The following HM13 variants were observed in gnomAD, a reference collection of about 807,000 sequenced individuals.
HM13 encodes the protein signal peptide peptidase.
HM13 carries 18 observed loss-of-function variants against 50.0 expected under a neutral mutation model. That is an observed-to-expected ratio of 0.36 (90% CI 0.25 to 0.53). The LOEUF (loss-of-function observed/expected upper bound fraction) is 0.53, where lower values mean the gene tolerates loss of function less well. HM13 is among the 20% of genes least tolerant of loss of function. The probability of loss-of-function intolerance (pLI) is 0.90; values close to 1 mark genes in which losing one functional copy is unlikely to be tolerated. For synonymous variants in HM13, 197 were observed against 232.6 expected (o/e 0.85, Z 1.39); for missense variants, 393 against 552.4 (o/e 0.71, Z 2.89).
At chr20:31,568,561 T>G (rs1390423841) in intron 12 of HM13, among the ~76,000 whole-genome samples, 3 of 152,270 alleles carry the variant, frequency 2.0e-5, no homozygotes, top group Non-Finnish European at 4.4e-5. Flanking sequence ...GGCACATTCC[T>G]GCCTCACGGG....
intron 1 of HM13, among the ~76,000 whole-genome samples, chr20:31,523,312 G>T (rs1982292620): frequency 6.6e-6 from 1 of 150,924 alleles, no homozygotes; most frequent in Non-Finnish European, 1.5e-5. Flanking sequence ...ACCCAGGCTG[G>T]AGTTCAGTGG....
intron 1 of HM13, among the ~76,000 whole-genome samples, chr20:31,521,615 G>A (rs1188963522): frequency 6.6e-6 from 1 of 151,782 alleles, no homozygotes; most frequent in Admixed American, 6.6e-5. Flanking sequence ...TGTAGTCCCA[G>A]CTACTCGGGA....
Position 31,554,795 on chromosome 20 carries a change from T to C in HM13, c.774T>C (p.Phe258=), listed in dbSNP as rs1334542037. Residue 258 remains phenylalanine (F), a synonymous_variant, in exon 8 of 13, where the codon TTT becomes TTC. Transcript: ENST00000398174. ...AGAAAGGCCTCGAAGCAAACAACTTTGCCATGCTGGGACTTGGAGATGTCG... is the reference window on the plus strand; with the variant it reads ...AGAAAGGCCTCGAAGCAAACAACTTCGCCATGCTGGGACTTGGAGATGTCG... ...LLEKGLEANN[F]AMLGLGDVVI... is the part of the protein sequence containing the mutation. 1 of 1,614,056 alleles carries C rather than the reference T, an allele frequency of 6.2e-7. No homozygotes were observed. Among genetic ancestry groups the C allele is most frequent in the African/African-American group, 1.3e-5 (1 of 74,920 alleles).
At chr20:31,556,100 C>T (rs373762447) in intron 8 of HM13, among the ~76,000 whole-genome samples, 9 of 149,306 alleles carry the variant, frequency 6.0e-5, no homozygotes, top group Non-Finnish European at 1.0e-4. Context: ...AACGCGATCT[C>T]GGCTCACTGC....
At chr20:31,534,452 G>A (rs1247529498) in intron 2 of HM13, among the ~76,000 whole-genome samples, 1 of 152,094 alleles carries the variant, frequency 6.6e-6, no homozygotes, top group Non-Finnish European at 1.5e-5. Flanking sequence ...GGCATGAGGG[G>A]ATTTACCATG....
At chr20:31,550,391 G>GC (rs1387889966) in intron 7 of HM13, 10 of 451,932 alleles carry the variant, frequency 2.2e-5, no homozygotes, top group Non-Finnish European at 2.9e-5. Flanking sequence ...GTTTAACCCA[G>GC]CCCGGGGGGC....
rs1984231381 is a variant in HM13 at position 31,554,969 on chromosome 20, G to GGT, written c.808+141_808+142dup. 7 of 751,184 alleles carry GGT rather than the reference G, an allele frequency of 9.3e-6. No individual in the cohort carries two copies. The Admixed American group carries it at 1.0e-4, about 11-fold the overall frequency. 46.5% of individuals were successfully genotyped at this position (751,184 alleles called of 1,614,324 possible). ...TGGATCAGGCCAGGGATTGGTGAAG[G>GGT]GTTCCCCCTTAACATCCGTTTACGG... On this transcript the variant is annotated intron_variant, in intron 8 of 12. Coordinates refer to ENST00000398174, the MANE Select transcript of HM13 (RefSeq NM_178581.3).
intron 1 of HM13, among the ~76,000 whole-genome samples, chr20:31,517,530 C>T (rs934401414): frequency 6.6e-6 from 1 of 152,072 alleles, no homozygotes; most frequent in African/African-American, 2.4e-5. Flanking sequence ...GCCCAGTCAC[C>T]AAGGAGAAAC....
chr20:31,555,444 G>A (rs547164050), intron 8 of HM13, among the ~76,000 whole-genome samples: 21 of 152,206 alleles, frequency 1.4e-4, no homozygotes, highest in African/African-American at 4.8e-4. Flanking sequence ...CACGGGCCCT[G>A]TCCACAATCC....
intron 3 of HM13, among the ~76,000 whole-genome samples, chr20:31,543,131 G>A (rs975814797): frequency 5.3e-5 from 8 of 152,106 alleles, no homozygotes; most frequent in Non-Finnish European, 8.8e-5. Flanking sequence ...GCCTCCCACC[G>A]CCTCAGAACC....
At chr20:31,518,747 A>G (rs1981960864) in intron 1 of HM13, among the ~76,000 whole-genome samples, 1 of 152,024 alleles carries the variant, frequency 6.6e-6, no homozygotes, top group Non-Finnish European at 1.5e-5. Context: ...AGTCCTAGCT[A>G]CTCTGGAGGT....
At chr20:31,515,619 C>T (rs1981725489) in intron 1 of HM13, among the ~76,000 whole-genome samples, 1 of 152,138 alleles carries the variant, frequency 6.6e-6, no homozygotes, top group African/African-American at 2.4e-5. Flanking sequence ...ACTGTTGGCC[C>T]CTCTTGTGAG....
At chr20:31,539,136 G>C in intron 3 of HM13, 1 of 985,480 alleles carries the variant, frequency 1.0e-6, no homozygotes, top group Non-Finnish European at 1.2e-6. Flanking sequence ...GTTCATTAGA[G>C]GGGGTTGCTA....
At chr20:31,526,752 A>G (rs560059592) in intron 1 of HM13, among the ~76,000 whole-genome samples, 9 of 152,178 alleles carry the variant, frequency 5.9e-5, no homozygotes, top group East Asian at 1.9e-4. Flanking sequence ...GTGTCTCCCT[A>G]TGTGCAGTTT....
chr20:31,523,826 T>C (rs1464290033), intron 1 of HM13, among the ~76,000 whole-genome samples: 1 of 152,156 alleles, frequency 6.6e-6, no homozygotes, highest in Non-Finnish European at 1.5e-5. Context: ...GGGCCTCTCA[T>C]GTGGGTATTG....
intron 4 of HM13, among the ~76,000 whole-genome samples, chr20:31,546,137 C>T (rs1394760185): frequency 6.6e-6 from 1 of 151,578 alleles, no homozygotes; most frequent in African/African-American, 2.4e-5. Flanking sequence ...GCAAGCTCCA[C>T]CCCCTGGGTT....
chr20:31,539,025 G>A, intron 3 of HM13: 1 of 952,260 alleles, frequency 1.1e-6, no homozygotes, highest in South Asian at 4.9e-5. Context: ...AAGCAACAGA[G>A]CCAGGATTCA....
chr20:31,531,598 A>AT (rs1441286497), intron 2 of HM13, among the ~76,000 whole-genome samples: 1 of 151,228 alleles, frequency 6.6e-6, no homozygotes, highest in Non-Finnish European at 1.5e-5. Flanking sequence ...TGTTGTTGTT[A>AT]TTGTTTTGTT....
intron 3 of HM13, chr20:31,540,499 C>CTG (rs1235212667): frequency 6.6e-6 from 1 of 152,226 alleles, no homozygotes; most frequent in Non-Finnish European, 1.5e-5. Context: ...TTGAAAGCCA[C>CTG]TGTTAGGCTG....
Sources: allele counts gnomAD v4.1 joint callset (sites outside exome capture counted in the v4.1 genomes callset), GRCh38; gene constraint gnomAD v4.1.1; transcripts MANE v1.5; gene names NCBI Gene and HGNC (gene_info 2026-07-23, HGNC 2026-07-21).